Variants in BRINP3 observed in about 807,000 individuals in gnomAD.
The protein encoded by BRINP3 is BMP/retinoic acid-inducible neural-specific protein 3.
A neutral mutation model predicts 71.0 loss-of-function variants in BRINP3; 19 were observed. The observed-to-expected ratio is 0.27, with a 90% CI of 0.19 to 0.39. The LOEUF is 0.39. BRINP3 is among the 10% of genes least tolerant of loss of function. BRINP3 has a pLI of 1.00. For synonymous variants in BRINP3, 380 were observed against 337.7 expected, an observed-to-expected ratio of 1.13 and a Z score of -1.37; for missense variants, 959 against 940.8, an observed-to-expected ratio of 1.02 and a Z score of -0.25.
intron 4 of BRINP3, among the ~76,000 whole-genome samples, chr1:190,236,795 A>G (rs1220047761): frequency 2.0e-5 from 3 of 151,990 alleles, no homozygotes; most frequent in Admixed American, 2.0e-4. Context: ...ATCAAAGAGA[A>G]TACTTAGGGT....
intron 2 of BRINP3, among the ~76,000 whole-genome samples, chr1:190,432,598 G>C (rs140071762): frequency 3.3e-4 from 51 of 152,268 alleles, no homozygotes; most frequent in African/African-American, 1.1e-3. Flanking sequence ...TTTTGAACAA[G>C]ATAAGAACTC....
chr1:190,300,028 T>C (rs1256280600), intron 2 of BRINP3, among the ~76,000 whole-genome samples: 4 of 152,104 alleles, frequency 2.6e-5, no homozygotes, highest in South Asian at 4.1e-4. Context: ...ATTATGTGTC[T>C]TGTTGTTGCC....
At chr1:190,156,358 C>T (rs1457791710) in intron 7 of BRINP3, among the ~76,000 whole-genome samples, 2 of 151,868 alleles carry the variant, frequency 1.3e-5, no homozygotes, top group Non-Finnish European at 2.9e-5. Flanking sequence ...GAGAACAATT[C>T]CATAAAGGCA....
At chr1:190,211,322 C>G (rs1655970589) in intron 6 of BRINP3, among the ~76,000 whole-genome samples, 1 of 152,062 alleles carries the variant, frequency 6.6e-6, no homozygotes, top group Admixed American at 6.6e-5. Context: ...ATATATCCTA[C>G]AAGTTCTGCC....
At chr1:190,288,195 T>G (rs1023195578) in intron 2 of BRINP3, among the ~76,000 whole-genome samples, 2 of 151,956 alleles carry the variant, frequency 1.3e-5, no homozygotes, top group Non-Finnish European at 2.9e-5. Context: ...AATTACTCCT[T>G]AATTACATTC....
At position 190,393,169 on chromosome 1, in the gene BRINP3, C is replaced by G. The variant is rs191870268; in HGVS notation, c.236+61486G>C. 8.3e-4 allele frequency among the ~76,000 whole-genome samples: 126 copies of G among 151,616 alleles called. 4 individuals carry two copies. The East Asian group carries it at 0.018, about 22-fold the overall frequency. ...TCTGGCAAACATTACATATGCATAA[C>G]ATATATTAAGCACACATTTACATGT... On this transcript the variant is annotated intron_variant, in intron 2 of 7. Coordinates refer to ENST00000367462, the MANE Select transcript of BRINP3 (RefSeq NM_199051.3).
chr1:190,299,907 G>C (rs957533569), intron 2 of BRINP3, among the ~76,000 whole-genome samples: 31 of 152,170 alleles, frequency 2.0e-4, no homozygotes, highest in African/African-American at 7.5e-4. Flanking sequence ...TAGAGTTTCT[G>C]CCGAGACATC....
At chr1:190,232,988 TAAC>T (rs1194955915) in intron 5 of BRINP3, among the ~76,000 whole-genome samples, 2 of 152,196 alleles carry the variant, frequency 1.3e-5, no homozygotes, top group African/African-American at 4.8e-5. Context: ...ATAAATTGGA[TAAC>T]ATTTAAATTG....
At chr1:190,474,669 C>T (rs1384306772) in intron 1 of BRINP3, 2 of 152,264 alleles carry the variant, frequency 1.3e-5, no homozygotes, top group Non-Finnish European at 2.9e-5. Context: ...GAGGTAGTGC[C>T]TACACGGCGT....
chr1:190,337,861 G>T (rs1667392925), intron 2 of BRINP3, among the ~76,000 whole-genome samples: 1 of 151,820 alleles, frequency 6.6e-6, no homozygotes, highest in African/African-American at 2.4e-5. Flanking sequence ...GGCCATGCTT[G>T]GGTTTTATTG....
intron 2 of BRINP3, among the ~76,000 whole-genome samples, chr1:190,445,201 G>T (rs934018832): frequency 6.6e-6 from 1 of 151,982 alleles, no homozygotes; most frequent in Non-Finnish European, 1.5e-5. Context: ...CTTCTATAAA[G>T]ATTGGTCTAA....
At chr1:190,203,537 T>A (rs1317365314) in intron 6 of BRINP3, among the ~76,000 whole-genome samples, 2 of 149,320 alleles carry the variant, frequency 1.3e-5, no homozygotes, top group Non-Finnish European at 3.0e-5. Flanking sequence ...TCTATAGCCC[T>A]CTATGCTCCT....
Position 190,177,226 on chromosome 1 carries a change from G to A in BRINP3, c.962-16336C>T, listed in dbSNP as rs112839698. On this transcript the variant is annotated intron_variant, in intron 6 of 7. Transcript: ENST00000367462. ...CACCCAGGCTGGAGTGCAGTGGCGC[G>A]GTCTCCACTCACTGCAAACTCTGCC... Among the ~76,000 whole-genome samples, 505 of 142,760 alleles carry A rather than the reference G, an allele frequency of 3.5e-3. 2 individuals carry two copies. The highest frequency in any genetic ancestry group is 0.013 in the African/African-American group (480 of 38,264). The allele number at this position is 142,760 out of a possible 152,430, so 93.7% of individuals were successfully genotyped here.
At chr1:190,308,919 A>G (rs192876243) in intron 2 of BRINP3, among the ~76,000 whole-genome samples, 1 of 152,074 alleles carries the variant, frequency 6.6e-6, no homozygotes, top group African/African-American at 2.4e-5. Flanking sequence ...GAATTACCAT[A>G]TGATCCAGCA....
chr1:190,258,185 A>G (rs1660844100), intron 4 of BRINP3, among the ~76,000 whole-genome samples: 2 of 152,202 alleles, frequency 1.3e-5, no homozygotes, highest in Admixed American at 1.3e-4. Flanking sequence ...CTCAAGCCTC[A>G]GCAATGACGG....
At chr1:190,382,714 T>A (rs934533497) in intron 2 of BRINP3, among the ~76,000 whole-genome samples, 6 of 152,154 alleles carry the variant, frequency 3.9e-5, no homozygotes, top group Non-Finnish European at 7.3e-5. Context: ...TTCAAATATT[T>A]AAAAAAATTA....
chr1:190,274,364 C>T (rs1358568443), intron 3 of BRINP3, among the ~76,000 whole-genome samples: 1 of 150,884 alleles, frequency 6.6e-6, no homozygotes, highest in Non-Finnish European at 1.5e-5. Flanking sequence ...ACATTCCGCC[C>T]AGAAAAAAAA....
intron 2 of BRINP3, among the ~76,000 whole-genome samples, chr1:190,389,954 C>G (rs1291657454): frequency 6.6e-6 from 1 of 151,708 alleles, no homozygotes; most frequent in African/African-American, 2.4e-5. Flanking sequence ...AGTAATGGCT[C>G]AAAAGAATCT....
intron 4 of BRINP3, among the ~76,000 whole-genome samples, chr1:190,236,114 T>C (rs1164772007): frequency 1.3e-5 from 2 of 151,738 alleles, no homozygotes; most frequent in South Asian, 2.1e-4. Flanking sequence ...CTAAAGTAAA[T>C]AGGTACAATA....
Sources: gnomAD v4.1 joint callset for allele counts (sites outside exome capture counted in the v4.1 genomes callset) on GRCh38, gnomAD v4.1.1 for gene constraint, MANE v1.5 for transcripts, NCBI Gene and HGNC (gene_info 2026-07-23, HGNC 2026-07-21) for gene names.